Variants in GPC6 observed in about 807,000 individuals in gnomAD.
The protein encoded by GPC6 is glypican 6, also known as glypican-6.
In GPC6, 14 loss-of-function variants were observed where a neutral mutation model predicts 55.2. The ratio of observed to expected loss-of-function variants is 0.25; its 90% CI spans 0.17 to 0.40. The LOEUF (loss-of-function observed/expected upper bound fraction) is 0.40. GPC6 is among the 10% of genes least tolerant of loss of function. GPC6 has a pLI of 1.00. For synonymous variants in GPC6, 278 were observed against 259.6 expected (o/e 1.07, Z -0.68); for missense variants, 641 against 708.5 (o/e 0.90, Z 1.08).
chr13:93,378,721 C>T (rs890578109), intron 1 of GPC6, among the ~76,000 whole-genome samples: 59 of 152,076 alleles, frequency 3.9e-4, no homozygotes, highest in Non-Finnish European at 3.4e-4. Context: ...AGAAGCCGGG[C>T]GCGGTGGCTC....
chr13:94,282,027 A>G (rs958899445), intron 4 of GPC6, among the ~76,000 whole-genome samples: 2 of 152,216 alleles, frequency 1.3e-5, no homozygotes, highest in Non-Finnish European at 2.9e-5. Flanking sequence ...AAAAGGGGAA[A>G]TTATCTGAGT....
At chr13:93,225,101 A>G (rs965010716), upstream of GPC6, among the ~76,000 whole-genome samples, 9 of 152,232 alleles carry the variant, frequency 5.9e-5, no homozygotes, top group African/African-American at 2.2e-4. Context: ...CATTTAAAAT[A>G]ATGAATTATC....
chr13:93,259,124 C>T (rs1427667083), intron 1 of GPC6, among the ~76,000 whole-genome samples: 1 of 152,112 alleles, frequency 6.6e-6, no homozygotes, highest in Non-Finnish European at 1.5e-5. Context: ...GAAACAAGCT[C>T]CACTTCTCTT....
At chr13:94,199,096 C>G (rs2138973177) in intron 4 of GPC6, among the ~76,000 whole-genome samples, 1 of 152,298 alleles carries the variant, frequency 6.6e-6, no homozygotes, top group South Asian at 2.1e-4. Context: ...TGTTGAAAAG[C>G]CTTTGTGCTG....
At chr13:93,253,470 C>G (rs1301382631) in intron 1 of GPC6, among the ~76,000 whole-genome samples, 1 of 152,078 alleles carries the variant, frequency 6.6e-6, no homozygotes, top group Non-Finnish European at 1.5e-5. Flanking sequence ...CCACATTTTC[C>G]CTGCCCTTAA....
chr13:93,853,138 C>T (rs909117712), intron 3 of GPC6, among the ~76,000 whole-genome samples: 18 of 151,562 alleles, frequency 1.2e-4, no homozygotes, highest in Non-Finnish European at 2.4e-4. Context: ...AACCAAAACA[C>T]GGTCAAGCAA....
intron 1 of GPC6, among the ~76,000 whole-genome samples, chr13:93,285,851 G>A (rs536004397): frequency 1.0e-3 from 154 of 152,188 alleles, no homozygotes; most frequent in Middle Eastern, 3.4e-3. Context: ...TTATATAGAA[G>A]TTGTCAATAT....
At chr13:93,720,206 T>G (rs1883402956) in intron 2 of GPC6, among the ~76,000 whole-genome samples, 1 of 152,072 alleles carries the variant, frequency 6.6e-6, no homozygotes, top group South Asian at 2.1e-4. Context: ...TGAATCTGTC[T>G]GGTCCTGGTT....
chr13:93,309,878 T>C (rs1879006473), intron 1 of GPC6, among the ~76,000 whole-genome samples: 1 of 152,210 alleles, frequency 6.6e-6, no homozygotes, highest in South Asian at 2.1e-4. Flanking sequence ...TTGATACTTG[T>C]TGTACCTTCT....
At chr13:93,671,609 AG>A (rs1319250592) in intron 2 of GPC6, among the ~76,000 whole-genome samples, 1 of 134,988 alleles carries the variant, frequency 7.4e-6, no homozygotes, top group Non-Finnish European at 1.7e-5. Context: ...AGGGTTTTTT[AG>A]GGGTTTTTTT....
At chr13:93,980,677 G>A (rs1880761481) in intron 3 of GPC6, among the ~76,000 whole-genome samples, 1 of 152,142 alleles carries the variant, frequency 6.6e-6, no homozygotes, top group African/African-American at 2.4e-5. Context: ...GGAGGTGGGG[G>A]CATTCAGCTG....
rs530124247 is a variant in GPC6, at chr13:93,576,632, G to A, written c.319+31211G>A. Among the ~76,000 whole-genome samples, 36 of 152,090 alleles carry A rather than the reference G, an allele frequency of 2.4e-4. 1 individual carries two copies. In the South Asian group the frequency reaches 7.3e-3, roughly 31 times the overall value. ...CAGAAAAATTTCTTTCAACTTTACA[G>A]CTCATTATTGATAGTGTCATGCTAA... is the stretch of plus-strand genomic sequence containing the variant. On this transcript the variant is annotated intron_variant, in intron 2 of 8. Transcript: ENST00000377047.
chr13:93,707,176 T>G (rs1221957851), intron 2 of GPC6, among the ~76,000 whole-genome samples: 1 of 151,558 alleles, frequency 6.6e-6, no homozygotes, highest in African/African-American at 2.4e-5. Flanking sequence ...TGTTTGTGAG[T>G]GCTAAATAAT....
rs1879557135 is a variant in GPC6, at chr13:93,482,516, C to T, written c.161-62747C>T. Among the ~76,000 whole-genome samples the T allele has an allele frequency of 2.0e-5, 3 of 152,116 alleles. No homozygotes were observed. The South Asian group carries it at 6.2e-4, about 32-fold the overall frequency. On this transcript the variant is annotated intron_variant, in intron 1 of 8. Coordinates refer to ENST00000377047, the MANE Select transcript of GPC6 (RefSeq NM_005708.5). ...GAGGATCCTAAAATATAGCACAATG[C>T]AGTTTATATTAATCAAATCAAAAGT...
At chr13:94,303,843 T>A (rs529060601) in intron 5 of GPC6, among the ~76,000 whole-genome samples, 1 of 152,214 alleles carries the variant, frequency 6.6e-6, no homozygotes, top group African/African-American at 2.4e-5. Context: ...AACACTAATA[T>A]TCTTTCAGGG....
chr13:93,488,283 T>G (rs1007153440), intron 1 of GPC6, among the ~76,000 whole-genome samples: 2 of 152,208 alleles, frequency 1.3e-5, no homozygotes, highest in African/African-American at 4.8e-5. Context: ...TCCATGTCCC[T>G]ACAAAGGATG....
At chr13:93,381,279 C>G (rs955154838) in intron 1 of GPC6, among the ~76,000 whole-genome samples, 1 of 152,018 alleles carries the variant, frequency 6.6e-6, no homozygotes, top group African/African-American at 2.4e-5. Context: ...ACATTGTGCT[C>G]TTACTCAGAA....
At chr13:94,027,917 C>A (rs368672418) in intron 4 of GPC6, 23 bp downstream of exon 4, 18 of 1,607,530 alleles carry the variant, frequency 1.1e-5, no homozygotes, top group Non-Finnish European at 1.4e-5. Context: ...TAAATGGATC[C>A]GAGAACAGAG....
At chr13:93,791,858 A>C (rs1886046531) in intron 2 of GPC6, among the ~76,000 whole-genome samples, 1 of 152,190 alleles carries the variant, frequency 6.6e-6, no homozygotes, top group Admixed American at 6.5e-5. Flanking sequence ...TGTGCTTCTA[A>C]CTGTCTCAAA....
Sources: gnomAD v4.1 joint callset for allele counts (sites outside exome capture counted in the v4.1 genomes callset) on GRCh38, gnomAD v4.1.1 for gene constraint, MANE v1.5 for transcripts, NCBI Gene and HGNC (gene_info 2026-07-23, HGNC 2026-07-21) for gene names.